The following KMT2A variants were observed in gnomAD, a reference collection of about 807,000 sequenced individuals.
KMT2A encodes histone-lysine N-methyltransferase 2A.
Under a neutral mutation model 345.3 loss-of-function variants are expected in KMT2A, and 16 were observed. The ratio of observed to expected loss-of-function variants is 0.05; its 90% CI spans 0.03 to 0.07. The LOEUF (loss-of-function observed/expected upper bound fraction) is 0.07, where lower values mean the gene tolerates loss of function less well. Among genes scored for constraint, KMT2A ranks in the 10% least tolerant of loss-of-function variants. KMT2A has a pLI of 1.00. For synonymous variants in KMT2A, 1,599 were observed against 1,778.6 expected (o/e 0.90, Z 2.54); for missense variants, 3,272 against 4,841.6 (o/e 0.68, Z 9.62).
intron 1 of KMT2A, chr11:118,447,532 T>C (rs1172737117): frequency 1.1e-5 from 3 of 274,020 alleles, no homozygotes; most frequent in Non-Finnish European, 2.3e-5. Flanking sequence ...TTGAAAGCGA[T>C]GTTAGGGTAT....
Position 118,502,782 on chromosome 11 carries a change from C to T in KMT2A, c.6890C>T (p.Ser2297Leu). The T allele has an allele frequency of 6.2e-7, 1 of 1,614,194 alleles. No homozygotes were observed. The highest frequency in any genetic ancestry group is 8.5e-7 in the Non-Finnish European group (1 of 1,180,028). Residue 2297 changes from serine to leucine, a missense_variant, in exon 27 of 36, where the codon TCA (serine) becomes TTA (leucine). Around this residue, in one of 27 missense-constraint regions of KMT2A, gnomAD observed 445 missense variants for 500.9 expected, o/e 0.89. Transcript: ENST00000534358. This position sits in a 1 kb window ranked among gnomAD's most constrained non-coding sequence, Gnocchi z 4.9. ...TCAGAAATGAAGCAGTCCAGTGCTTCAGACTTGGTGTCCAAGAGCTCCTCT... is the reference window on the plus strand; with the variant it reads ...TCAGAAATGAAGCAGTCCAGTGCTTTAGACTTGGTGTCCAAGAGCTCCTCT... ...SSSEMKQSSA[S>L]DLVSKSSSLK...
chr11:118,476,306 TGATA>T lies in KMT2A; in HGVS notation c.3157-498_3157-495del, dbSNP rs1555037507. ...CGTATTTATACCACACTGAACTTTT[TGATA>T]ATATAGACTGGCAGCTTGAATTTTG... On this transcript the variant is annotated intron_variant, in intron 3 of 35. Coordinates refer to ENST00000534358, the MANE Select transcript of KMT2A (RefSeq NM_001197104.2). This position sits in a 1 kb window ranked among gnomAD's most constrained non-coding sequence, Gnocchi z 4.1. Among the ~76,000 whole-genome samples the T allele has an allele frequency of 6.6e-6, 1 of 152,220 alleles. No individual in the cohort carries two copies. Among genetic ancestry groups the T allele is most frequent in the African/African-American group, 2.4e-5 (1 of 41,448 alleles).
intron 1 of KMT2A, among the ~76,000 whole-genome samples, chr11:118,444,175 T>C (rs1949370142): frequency 6.6e-6 from 1 of 152,222 alleles, no homozygotes; most frequent in South Asian, 2.1e-4. Context: ...TAGGGAAAAG[T>C]TAATTCTTAT....
chr11:118,448,468 T>G (rs1420005908), intron 1 of KMT2A: 1 of 152,194 alleles, frequency 6.6e-6, no homozygotes, highest in African/African-American at 2.4e-5. Context: ...TTTAGATATG[T>G]TGGGTTGCAG....
intron 1 of KMT2A, among the ~76,000 whole-genome samples, chr11:118,467,509 T>G (rs1173305873): frequency 6.6e-6 from 1 of 152,234 alleles, no homozygotes; most frequent in East Asian, 1.9e-4. Flanking sequence ...CAGTAAGACT[T>G]TTCTCTCAGT....
rs537123033 is a variant in KMT2A at position 118,496,735 on chromosome 11, C to T, written c.5664+368C>T. 6.6e-6 allele frequency among the ~76,000 whole-genome samples: 1 copy of T among 152,234 alleles called. No homozygotes were observed. The highest frequency in any genetic ancestry group is 2.4e-5 in the African/African-American group (1 of 41,552). ...TGTGTTTCATATAGGATAGCAGAATCGTTAAGAGCCCGAGTTCTGCCGCCT... is the reference window on the plus strand; with the variant it reads ...TGTGTTTCATATAGGATAGCAGAATTGTTAAGAGCCCGAGTTCTGCCGCCT... On this transcript the variant is annotated intron_variant, in intron 20 of 35. Transcript: ENST00000534358. The surrounding 1 kb of genome is among the most constrained non-coding windows in gnomAD (Gnocchi z 4.7).
chr11:118,436,685 C>G lies in KMT2A; in HGVS notation c.173C>G (p.Pro58Arg), dbSNP rs1266857910. 4.7e-6 allele frequency: 6 copies of G among 1,283,634 alleles called. No individual in the cohort carries two copies. Among genetic ancestry groups the G allele is most frequent in the Admixed American group, 3.7e-5 (1 of 27,176 alleles). 79.5% of individuals were successfully genotyped at this position (1,283,634 alleles called of 1,614,324 possible). ...GGCCCCGGGGCGCCCCCCTCCCCCC[C>G]GGCTGTGGCGGCCGCGGCGGCGGCG... ...GGGPGAPPSP[P>R]AVAAAAAAAG... The change falls in exon 1 of 36, where the codon CCG becomes CGG. Residue 58 changes from proline to arginine, a missense_variant. Coordinates refer to ENST00000534358, the MANE Select transcript of KMT2A (RefSeq NM_001197104.2). The surrounding 1 kb of genome is among the most constrained non-coding windows in gnomAD (Gnocchi z 6.9).
chr11:118,492,877 T>G (rs1950347866), intron 15 of KMT2A, among the ~76,000 whole-genome samples, 180 bp from the exon 16 acceptor site: 1 of 152,236 alleles, frequency 6.6e-6, no homozygotes, highest in Non-Finnish European at 1.5e-5. Flanking sequence ...CTAGCTAAGC[T>G]ATTACATAAC....
At position 118,482,005 on chromosome 11, in the gene KMT2A, C is replaced by A. The variant is rs1555039438; in HGVS notation, c.3925C>A (p.Pro1309Thr). Reference sequence around the variant, plus strand: ...GCCAGCACTGGTCATCCCGCCTCAGCCACCTACTACAGGACCGCCAAGAAA... The same window carrying A: ...GCCAGCACTGGTCATCCCGCCTCAGACACCTACTACAGGACCGCCAAGAAA... ...SQPALVIPPQ[P>T]PTTGPPRKEV... The change falls in exon 7 of 36, where the codon CCA becomes ACA. Residue 1309 changes from proline (P) to threonine (T), a missense_variant. Coordinates refer to ENST00000534358, the MANE Select transcript of KMT2A (RefSeq NM_001197104.2). 4 of 1,614,224 alleles carry A rather than the reference C, an allele frequency of 2.5e-6. No individual in the cohort carries two copies. Among genetic ancestry groups the A allele is most frequent in the Non-Finnish European group, 3.4e-6 (4 of 1,180,046 alleles).
intron 1 of KMT2A, chr11:118,458,236 ACACC>A: frequency 3.4e-6 from 1 of 293,278 alleles, no homozygotes; most frequent in Non-Finnish European, 6.8e-6. Context: ...GGCACCCACC[ACACC>A]CAGTTAATTT....
intron 1 of KMT2A, chr11:118,450,012 T>G (rs2134194658): frequency 6.6e-6 from 1 of 152,324 alleles, no homozygotes; most frequent in Admixed American, 6.5e-5. Flanking sequence ...GTTTGTTTAA[T>G]TTTTCTAGCC....
In KMT2A at chr11:118,504,901, T is replaced by G; in HGVS notation, c.9009T>G (p.Asp3003Glu). 1 of 1,614,220 alleles carries G rather than the reference T, an allele frequency of 6.2e-7. No individual in the cohort carries two copies. The highest frequency in any genetic ancestry group is 8.5e-7 in the Non-Finnish European group (1 of 1,180,024). ...TPDHFIQGHM[D>E]ADHISSPPCG... ...ATCATTTTATCCAAGGACACATGGA[T>G]GCAGACCACATCTCTAGCCCTCCTT... The change falls in exon 27 of 36, where the codon GAT (aspartate) becomes GAG (glutamate). Residue 3003 changes from aspartate (D) to glutamate (E), a missense_variant. Asp to Glu is a conservative substitution (Grantham distance 45). Transcript: ENST00000534358. This position sits in a 1 kb window ranked among gnomAD's most constrained non-coding sequence, Gnocchi z 6.4.
Position 118,436,569 on chromosome 11 carries a change from C to T in KMT2A, c.57C>T (p.Gly19=), listed in dbSNP as rs1949184318. 1 of 1,194,594 alleles carries T rather than the reference C, an allele frequency of 8.4e-7. No individual in the cohort carries two copies. The highest frequency in any genetic ancestry group is 1.1e-6 in the Non-Finnish European group (1 of 952,250). 74.0% of individuals were successfully genotyped at this position (1,194,594 alleles called of 1,614,324 possible). A position where few individuals can be genotyped will look rare whatever the true frequency, so the allele number is the denominator to read the frequency against. ...CCCGACCCGGGACCACCGGGGGCGG[C>T]GGCGGCGGGGGGCGCCGGGGCCTAG... ...FPARPGTTGG[G]GGGGRRGLGG... The change falls in exon 1 of 36, where the codon GGC becomes GGT. Residue 19 remains glycine, a synonymous_variant. Coordinates refer to ENST00000534358, the MANE Select transcript of KMT2A (RefSeq NM_001197104.2). This position sits in a 1 kb window ranked among gnomAD's most constrained non-coding sequence, Gnocchi z 6.9.
At chr11:118,486,591 C>T (rs558184405) in intron 10 of KMT2A, among the ~76,000 whole-genome samples, 67 of 152,030 alleles carry the variant, frequency 4.4e-4, no homozygotes, top group African/African-American at 1.4e-3. Flanking sequence ...AGAAAATCCA[C>T]GTCGGGTGCA....
At position 118,510,059 on chromosome 11, in the gene KMT2A, G is replaced by C; in HGVS notation, c.11012G>C (p.Gly3671Ala). The change falls in exon 30 of 36, where the codon GGA becomes GCA. Residue 3671 changes from glycine (G) to alanine (A), a missense_variant. By Grantham distance (60) the Gly-to-Ala change is moderately conservative (BLOSUM62 0). Coordinates refer to ENST00000534358, the MANE Select transcript of KMT2A (RefSeq NM_001197104.2). The surrounding 1 kb of genome is among the most constrained non-coding windows in gnomAD (Gnocchi z 4.1). ...ATTACTGAGAAAAAACCCAAGAAAG[G>C]ACTTGTTTTTGAAATTTCCAGTGAT... ...ESITEKKPKK[G>A]LVFEISSDDG... 2.5e-6 allele frequency: 4 copies of C among 1,613,818 alleles called. No individual in the cohort carries two copies. Among genetic ancestry groups the C allele is most frequent in the Non-Finnish European group, 3.4e-6 (4 of 1,179,820 alleles).
rs1450241923 is a variant in KMT2A at position 118,526,436 on chromosome 11, T to TA, written c.*4267dup. 12 of 228,676 alleles carry TA rather than the reference T, an allele frequency of 5.2e-5. No homozygotes were observed. Among genetic ancestry groups the TA allele is most frequent in the African/African-American group, 2.7e-4 (12 of 45,132 alleles). The allele number at this position is 228,676 out of a possible 1,614,324, so 14.2% of individuals were successfully genotyped here. A position where few individuals can be genotyped will look rare whatever the true frequency, so the allele number is the denominator to read the frequency against. On this transcript the variant is annotated 3_prime_UTR_variant, in exon 36 of 36. Coordinates refer to ENST00000534358, the MANE Select transcript of KMT2A (RefSeq NM_001197104.2). Reference sequence around the variant, plus strand: ...ATTGAACTTTTAACAGTCTCTTTAGTAAATACAGGTAGTTGAATAATTGTT... The same window carrying TA: ...ATTGAACTTTTAACAGTCTCTTTAGTAAAATACAGGTAGTTGAATAATTGTT...
chr11:118,519,933 T>C (rs1555052962), intron 32 of KMT2A, 24 bp from the exon 33 acceptor site: 1 of 1,588,662 alleles, frequency 6.3e-7, no homozygotes, highest in East Asian at 2.2e-5. Context: ...TTTCTCTAAA[T>C]ATGTTTTAAT....
intron 1 of KMT2A, among the ~76,000 whole-genome samples, chr11:118,439,429 G>C (rs1396308951): frequency 6.6e-6 from 1 of 152,140 alleles, no homozygotes; most frequent in African/African-American, 2.4e-5. Context: ...GTTTTATGCT[G>C]ACAGCTTCCA....
intron 10 of KMT2A, among the ~76,000 whole-genome samples, chr11:118,486,733 C>T (rs1402877510): frequency 1.3e-5 from 2 of 151,802 alleles, no homozygotes; most frequent in African/African-American, 4.8e-5. Flanking sequence ...AAATACCAGG[C>T]ATGGTAGCAT....
Sources: gnomAD v4.1 joint callset for allele counts (sites outside exome capture counted in the v4.1 genomes callset) on GRCh38, gnomAD v4.1.1 for gene constraint, gnomAD v4.1.1 regional missense constraint, Gnocchi (gnomAD v3.1) non-coding constraint, MANE v1.5 for transcripts, NCBI Gene and HGNC (gene_info 2026-07-23, HGNC 2026-07-21) for gene names.